Variants in GPLD1 observed in about 807,000 individuals in gnomAD.
GPLD1 encodes phosphatidylinositol-glycan-specific phospholipase D.
A neutral mutation model predicts 112.6 loss-of-function variants in GPLD1; 84 were observed. The observed-to-expected ratio is 0.75, with a 90% CI of 0.63 to 0.89. The LOEUF is 0.89. GPLD1 is among the 40% of genes least tolerant of loss of function. GPLD1 has a pLI of 0.00. For missense variants in GPLD1, 1,044 were observed against 1,051.5 expected, an observed-to-expected ratio of 0.99 and a Z score of 0.10; for synonymous variants, 386 against 403.8, an observed-to-expected ratio of 0.96 and a Z score of 0.53.
intron 20 of GPLD1, among the ~76,000 whole-genome samples, chr6:24,439,662 A>G (rs1210253681): frequency 6.6e-6 from 1 of 152,232 alleles, no homozygotes; most frequent in Non-Finnish European, 1.5e-5. Context: ...GGATTATCAT[A>G]CACATTTAGA....
upstream of GPLD1, chr6:24,495,287 G>C (rs973569793): frequency 4.6e-6 from 7 of 1,532,572 alleles, no homozygotes; most frequent in Middle Eastern, 2.2e-4. Context: ...GGGTGCGAGA[G>C]GCCCGCGCCG....
upstream of GPLD1, among the ~76,000 whole-genome samples, chr6:24,490,761 A>G (rs1431268410): frequency 1.3e-5 from 2 of 151,888 alleles, no homozygotes; most frequent in Non-Finnish European, 2.9e-5. Flanking sequence ...CAAAAAAAAA[A>G]AAAGAAAAGA....
At chr6:24,432,574 A>G (rs1192180584) in intron 24 of GPLD1, among the ~76,000 whole-genome samples, 1 of 152,192 alleles carries the variant, frequency 6.6e-6, no homozygotes, top group Non-Finnish European at 1.5e-5. Context: ...GCACTCCAGC[A>G]TGGGCGACAG....
At chr6:24,453,010 C>A (rs6918194) in intron 14 of GPLD1, among the ~76,000 whole-genome samples, 17 of 151,964 alleles carry the variant, frequency 1.1e-4, no homozygotes, top group Non-Finnish European at 1.3e-4. Context: ...ACCCCACCCC[C>A]CCACGCTCCT....
intron 14 of GPLD1, among the ~76,000 whole-genome samples, chr6:24,452,633 G>A (rs534166644): frequency 6.6e-5 from 10 of 152,126 alleles, no homozygotes; most frequent in African/African-American, 1.4e-4. Flanking sequence ...AAAATTAGCC[G>A]GGCATGGCGG....
chr6:24,470,889 G>A (rs778629014), intron 7 of GPLD1, among the ~76,000 whole-genome samples: 15 of 152,272 alleles, frequency 9.9e-5, no homozygotes, highest in South Asian at 8.3e-4. Flanking sequence ...ATGAGCCACC[G>A]TGCCTGGCCT....
chr6:24,465,981 G>T (rs772975879), intron 10 of GPLD1, among the ~76,000 whole-genome samples: 25 of 152,084 alleles, frequency 1.6e-4, no homozygotes, highest in Non-Finnish European at 3.2e-4. Context: ...TGTCACCACA[G>T]CAAGAACACA....
At chr6:24,435,178 A>AT (rs1260637809) in intron 22 of GPLD1, among the ~76,000 whole-genome samples, 2 of 151,402 alleles carry the variant, frequency 1.3e-5, no homozygotes, top group Non-Finnish European at 2.9e-5. Context: ...AGCCCGGCTA[A>AT]TTTTTTGTAT....
intron 1 of GPLD1, among the ~76,000 whole-genome samples, chr6:24,488,852 T>C (rs1301629565): frequency 6.6e-6 from 1 of 152,156 alleles, no homozygotes; most frequent in Non-Finnish European, 1.5e-5. Context: ...TGGCTTGCTG[T>C]ACCCTTCTGC....
At position 24,445,783 on chromosome 6, in the gene GPLD1, C is replaced by T. The variant is rs756060393; in HGVS notation, c.1869G>A (p.Arg623=). 26 of 1,613,676 alleles carry T rather than the reference C, an allele frequency of 1.6e-5. No homozygotes were observed. The highest frequency in any genetic ancestry group is 1.9e-5 in the Non-Finnish European group (23 of 1,179,936). The change falls in exon 19 of 25, where the codon AGG becomes AGA. Residue 623 remains arginine (R), a synonymous_variant. Coordinates refer to ENST00000230036, the MANE Select transcript of GPLD1 (RefSeq NM_001503.4). ...HIRDEKKSLG[R]VYGYFPPNGQ... Reference sequence around the variant, plus strand: ...CGTTTGGTGGGAAGTAGCCATACACCCTCCCAAGGCTCTTTTTCTCATCTC... The same window carrying T: ...CGTTTGGTGGGAAGTAGCCATACACTCTCCCAAGGCTCTTTTTCTCATCTC...
chr6:24,472,562 T>C lies in GPLD1; in HGVS notation c.545+20A>G. The C allele has an allele frequency of 6.9e-7, 1 of 1,459,116 alleles. No homozygotes were observed. The highest frequency in any genetic ancestry group is 9.6e-7 in the Non-Finnish European group (1 of 1,041,190). 90.4% of individuals were successfully genotyped at this position (1,459,116 alleles called of 1,614,324 possible). A position where few individuals can be genotyped will look rare whatever the true frequency, so the allele number is the denominator to read the frequency against. On this transcript the variant is annotated intron_variant, in intron 7 of 24. Transcript: ENST00000230036. ...AAATGCCACTTAGATACCACATATT[T>C]AGATGTACATTGCTCTTACCAGCGT...
intron 20 of GPLD1, among the ~76,000 whole-genome samples, chr6:24,444,068 C>A (rs534409495): frequency 6.6e-6 from 1 of 152,280 alleles, no homozygotes; most frequent in Admixed American, 6.5e-5. Context: ...ATAACAAGAG[C>A]TTTTAGAAAG....
At chr6:24,462,888 A>C in intron 10 of GPLD1, 93 bp from the exon 11 acceptor site, 3 of 905,094 alleles carry the variant, frequency 3.3e-6, no homozygotes, top group Non-Finnish European at 5.5e-6. Flanking sequence ...ATCATCTCCC[A>C]AAGGCTTAAA....
chr6:24,466,594 A>G (rs1763624794), intron 10 of GPLD1, 86 bp downstream of exon 10: 2 of 1,050,172 alleles, frequency 1.9e-6, no homozygotes, highest in Non-Finnish European at 2.9e-6. Context: ...TTTTTATGTG[A>G]TCAGTTGAAA....
intron 3 of GPLD1, among the ~76,000 whole-genome samples, 188 bp from the exon 4 acceptor site, chr6:24,476,466 G>A (rs2817204): frequency 0.88 from 134,012 of 152,136 alleles, 59,749 homozygotes; most frequent in African/African-American, 0.94. Flanking sequence ...TGGAATACGC[G>A]TGGTACTGTC....
At chr6:24,434,698 C>T (rs547284955) in intron 22 of GPLD1, among the ~76,000 whole-genome samples, 5 of 151,846 alleles carry the variant, frequency 3.3e-5, no homozygotes, top group African/African-American at 1.2e-4. Flanking sequence ...ATTAGCCAGG[C>T]GTGGTAGTGG....
At chr6:24,467,379 C>A in intron 7 of GPLD1, 105 bp from the exon 8 acceptor site, 1 of 707,584 alleles carries the variant, frequency 1.4e-6, no homozygotes, top group Non-Finnish European at 2.5e-6. Flanking sequence ...TTGTGCCAGG[C>A]ACCATGTAAA....
chr6:24,438,669 A>G (rs371668449), intron 20 of GPLD1, among the ~76,000 whole-genome samples: 3 of 152,242 alleles, frequency 2.0e-5, no homozygotes, highest in African/African-American at 7.2e-5. Flanking sequence ...TACAGGGCAA[A>G]CAACATGACC....
At chr6:24,443,232 GAAGA>G (rs1196350550) in intron 20 of GPLD1, among the ~76,000 whole-genome samples, 2 of 152,190 alleles carry the variant, frequency 1.3e-5, no homozygotes, top group African/African-American at 4.8e-5. Flanking sequence ...AACCGAGGAA[GAAGA>G]GAGCTCCCGG....
Sources: allele counts gnomAD v4.1 joint callset (sites outside exome capture counted in the v4.1 genomes callset), GRCh38; gene constraint gnomAD v4.1.1; transcripts MANE v1.5; gene names NCBI Gene and HGNC (gene_info 2026-07-23, HGNC 2026-07-21).